The following PTPRQ variants were observed in gnomAD, a reference collection of about 807,000 sequenced individuals.
PTPRQ encodes the protein protein tyrosine phosphatase receptor type Q.
PTPRQ carries 199 observed loss-of-function variants against 246.0 expected under a neutral mutation model. The ratio of observed to expected loss-of-function variants is 0.81; its 90% confidence interval spans 0.72 to 0.91. The LOEUF (loss-of-function observed/expected upper bound fraction) is 0.91, where lower values mean the gene tolerates loss of function less well. Ranked by LOEUF, PTPRQ falls within the 40% of genes least tolerant of loss-of-function variation. The probability of loss-of-function intolerance (pLI) is 0.00; values close to 1 mark genes in which losing one functional copy is unlikely to be tolerated. For synonymous variants in PTPRQ, 869 were observed against 853.2 expected (o/e 1.02, Z -0.32); for missense variants, 2,624 against 2,528.4 (o/e 1.04, Z -0.81).
intron 26 of PTPRQ, among the ~76,000 whole-genome samples, chr12:80,590,717 TAGAATAAATTTTACATTTCTTAAC>T (rs1181283871): frequency 6.6e-6 from 1 of 151,242 alleles, no homozygotes; most frequent in African/African-American, 2.4e-5. Flanking sequence ...CCATGGCTCT[TAGAATAAATTTTACATTTCTTAAC>T]ATGGTTAACA....
chr12:80,557,372 C>A (rs1241564240), intron 25 of PTPRQ, among the ~76,000 whole-genome samples: 1 of 151,586 alleles, frequency 6.6e-6, no homozygotes, highest in Non-Finnish European at 1.5e-5. Flanking sequence ...ATCTGTGGGT[C>A]TGTTCTCACA....
intron 3 of PTPRQ, among the ~76,000 whole-genome samples, chr12:80,451,012 C>A (rs577433019): frequency 7.9e-5 from 12 of 152,322 alleles, no homozygotes; most frequent in African/African-American, 2.9e-4. Context: ...TGGTCCTGGA[C>A]TCTTTTTCGT....
At chr12:80,678,874 A>T in intron 44 of PTPRQ, 112 bp from the exon 45 acceptor site, 1 of 1,438,012 alleles carries the variant, frequency 7.0e-7, no homozygotes, top group Non-Finnish European at 9.1e-7. Context: ...TCTCTAATCC[A>T]AGTTGGGCTA....
chr12:80,588,481 G>T, intron 26 of PTPRQ, 29 bp downstream of exon 26: 1 of 1,435,082 alleles, frequency 7.0e-7, no homozygotes, highest in South Asian at 1.6e-5. Flanking sequence ...TGTACATACT[G>T]ATTTCTGTTA....
In PTPRQ at chr12:80,631,792, C is replaced by T. The variant is rs140650692; in HGVS notation, c.5687-400C>T. On this transcript the variant is annotated intron_variant, in intron 33 of 44. Transcript: ENST00000644991. ...CCATCAACTGAGAGGTGGGAGGATACAGTTGAAAGGAGGGAAGTGTACATG... is the reference window on the plus strand; with the variant it reads ...CCATCAACTGAGAGGTGGGAGGATATAGTTGAAAGGAGGGAAGTGTACATG... Among the ~76,000 whole-genome samples, 31 of 152,222 alleles carry T rather than the reference C, an allele frequency of 2.0e-4. No individual in the cohort carries two copies. In the East Asian group the frequency reaches 5.2e-3, roughly 26 times the overall value.
intron 3 of PTPRQ, among the ~76,000 whole-genome samples, chr12:80,451,133 C>T (rs1592516296): frequency 6.6e-6 from 1 of 152,190 alleles, no homozygotes; most frequent in African/African-American, 2.4e-5. Flanking sequence ...AGGAATTTAT[C>T]CATTCCTTCT....
At chr12:80,619,599 TA>T in intron 31 of PTPRQ, 57 bp downstream of exon 31, 1 of 1,325,102 alleles carries the variant, frequency 7.5e-7, no homozygotes, top group Non-Finnish European at 9.7e-7. Context: ...TACTGAGTGC[TA>T]AAAAGAATTT....
chr12:80,516,229 C>G (rs1217108493), intron 17 of PTPRQ, among the ~76,000 whole-genome samples: 1 of 152,146 alleles, frequency 6.6e-6, no homozygotes, highest in Middle Eastern at 3.2e-3. Context: ...TTGTTTAGCA[C>G]TTTTACTTTT....
intron 3 of PTPRQ, among the ~76,000 whole-genome samples, chr12:80,456,575 C>G (rs974538769): frequency 2.0e-4 from 31 of 152,126 alleles, no homozygotes; most frequent in African/African-American, 7.2e-4. Flanking sequence ...CAACCTAGTT[C>G]TGCTTAGATC....
chr12:80,490,193 TA>T (rs907886382), intron 9 of PTPRQ, among the ~76,000 whole-genome samples: 1 of 151,952 alleles, frequency 6.6e-6, no homozygotes, highest in African/African-American at 2.4e-5. Context: ...ATATGCTAAT[TA>T]AAAAAATTTT....
chr12:80,673,960 T>G (rs1901055934), intron 43 of PTPRQ, among the ~76,000 whole-genome samples: 1 of 152,182 alleles, frequency 6.6e-6, no homozygotes, highest in Non-Finnish European at 1.5e-5. Context: ...TTATCTTATT[T>G]AATCTTTATT....
chr12:80,488,978 A>G (rs1158072945), intron 9 of PTPRQ, among the ~76,000 whole-genome samples: 2 of 152,032 alleles, frequency 1.3e-5, no homozygotes, highest in East Asian at 3.9e-4. Context: ...AAATGAGGTG[A>G]ATCCAGCCTC....
intron 3 of PTPRQ, among the ~76,000 whole-genome samples, chr12:80,456,124 GAAGAA>G (rs916160222): frequency 2.4e-4 from 36 of 152,018 alleles, no homozygotes; most frequent in African/African-American, 8.2e-4. Flanking sequence ...TAAATAGAGA[GAAGAA>G]AATATATAAA....
At chr12:80,588,827 A>C (rs1897701850) in intron 26 of PTPRQ, among the ~76,000 whole-genome samples, 1 of 152,166 alleles carries the variant, frequency 6.6e-6, no homozygotes, top group Non-Finnish European at 1.5e-5. Flanking sequence ...TTTAAGCCCA[A>C]CTTTACAACC....
chr12:80,637,911 C>T (rs1457180634), intron 35 of PTPRQ, among the ~76,000 whole-genome samples: 2 of 152,102 alleles, frequency 1.3e-5, no homozygotes, highest in Admixed American at 1.3e-4. Flanking sequence ...AAATTGTTGG[C>T]AGACTTCCAC....
intron 39 of PTPRQ, among the ~76,000 whole-genome samples, chr12:80,660,110 A>G (rs1027579999): frequency 1.3e-5 from 2 of 152,056 alleles, no homozygotes; most frequent in Non-Finnish European, 2.9e-5. Flanking sequence ...CACTTGTCCC[A>G]GGAGCAAAAG....
At chr12:80,551,380 C>T (rs144807887) in intron 25 of PTPRQ, among the ~76,000 whole-genome samples, 110 of 152,242 alleles carry the variant, frequency 7.2e-4, no homozygotes, top group African/African-American at 2.5e-3. Context: ...CCACCTTGGC[C>T]ACCACCATTG....
chr12:80,641,712 T>C (rs753646601), intron 35 of PTPRQ, among the ~76,000 whole-genome samples: 1 of 152,172 alleles, frequency 6.6e-6, no homozygotes, highest in African/African-American at 2.4e-5. Flanking sequence ...ACATAAAATA[T>C]CAATTTTCAA....
chr12:80,465,215 T>C (rs1445891483), intron 6 of PTPRQ: 1 of 151,830 alleles, frequency 6.6e-6, no homozygotes, highest in Non-Finnish European at 1.5e-5. Flanking sequence ...CATCAGAGAA[T>C]ACTACAAACA....
Sources: allele counts gnomAD v4.1 joint callset (sites outside exome capture counted in the v4.1 genomes callset), GRCh38; gene constraint gnomAD v4.1.1; transcripts MANE v1.5; gene names NCBI Gene and HGNC (gene_info 2026-07-23, HGNC 2026-07-21).